The following ABTB2 variants were observed in gnomAD, a reference collection of about 807,000 sequenced individuals.
The protein encoded by ABTB2 is ankyrin repeat and BTB/POZ domain-containing protein 2.
A neutral mutation model predicts 104.1 loss-of-function variants in ABTB2; 56 were observed. That is an observed-to-expected ratio of 0.54 (90% CI 0.43 to 0.67). ABTB2 has a LOEUF of 0.67. Among genes scored for constraint, ABTB2 ranks in the 30% least tolerant of loss-of-function variants. The pLI is 0.00. For missense variants in ABTB2, 1,279 were observed against 1,407.7 expected, an observed-to-expected ratio of 0.91 and a Z score of 1.46; for synonymous variants, 606 against 608.2, an observed-to-expected ratio of 1.00 and a Z score of 0.05.
chr11:34,300,747 C>A (rs150832067), intron 1 of ABTB2, among the ~76,000 whole-genome samples: 3 of 152,210 alleles, frequency 2.0e-5, no homozygotes, highest in Non-Finnish European at 2.9e-5. Flanking sequence ...AGTCTTGGTA[C>A]GCAATAAAGA....
rs369630867 is a variant in ABTB2 at position 34,164,678 on chromosome 11, G to A, written c.1988+8C>T. The A allele has an allele frequency of 6.7e-7, 1 of 1,499,588 alleles. No homozygotes were observed. The highest frequency in any genetic ancestry group is 1.5e-5 in the African/African-American group (1 of 68,306). The allele number at this position is 1,499,588 out of a possible 1,614,324, so 92.9% of individuals were successfully genotyped here. A position where few individuals can be genotyped will look rare whatever the true frequency, so the allele number is the denominator to read the frequency against. On this transcript the variant is annotated splice_region_variant and intron_variant, in intron 9 of 16. Coordinates refer to ENST00000435224, the MANE Select transcript of ABTB2 (RefSeq NM_145804.3). Reference sequence around the variant, plus strand: ...ATGTCACACAGGGTGGGAATCCCGGGCAGGTACCTGTGGCCGTGGGCAGCT... The same window carrying A: ...ATGTCACACAGGGTGGGAATCCCGGACAGGTACCTGTGGCCGTGGGCAGCT...
chr11:34,176,459 G>A (rs1477870914), intron 3 of ABTB2, among the ~76,000 whole-genome samples: 1 of 152,184 alleles, frequency 6.6e-6, no homozygotes, highest in Non-Finnish European at 1.5e-5. Context: ...CCAGCCTGGG[G>A]CCTGACATGG....
At chr11:34,186,950 G>T (rs2133028979) in intron 3 of ABTB2, among the ~76,000 whole-genome samples, 1 of 152,330 alleles carries the variant, frequency 6.6e-6, no homozygotes, top group South Asian at 2.1e-4. Flanking sequence ...CCTGGGAGGG[G>T]AAGGGATTTA....
chr11:34,290,644 C>A (rs1056735750), intron 1 of ABTB2, among the ~76,000 whole-genome samples: 1 of 151,900 alleles, frequency 6.6e-6, no homozygotes, highest in Non-Finnish European at 1.5e-5. Flanking sequence ...GAGTTCAAGA[C>A]CAGCCTGGGC....
chr11:34,233,833 A>C (rs1271698897), intron 1 of ABTB2, among the ~76,000 whole-genome samples: 1 of 152,158 alleles, frequency 6.6e-6, no homozygotes, highest in East Asian at 1.9e-4. Flanking sequence ...CTAACCTATC[A>C]ATTTTTTAAA....
intron 1 of ABTB2, among the ~76,000 whole-genome samples, chr11:34,215,144 C>A (rs901431370): frequency 6.6e-6 from 1 of 152,212 alleles, no homozygotes; most frequent in Non-Finnish European, 1.5e-5. Context: ...TCTACAGCTA[C>A]AGTGGCCGAA....
intron 1 of ABTB2, among the ~76,000 whole-genome samples, chr11:34,213,009 C>T (rs1227977208): frequency 5.3e-5 from 8 of 152,198 alleles, no homozygotes; most frequent in African/African-American, 1.2e-4. Flanking sequence ...GTAAACCTCA[C>T]TCCGAACACC....
At chr11:34,159,756 G>C in intron 13 of ABTB2, 150 bp downstream of exon 13, 1 of 670,920 alleles carries the variant, frequency 1.5e-6, no homozygotes, top group African/African-American at 1.8e-5. Context: ...CCCGCTGTGG[G>C]GCGAGTGGGG....
intron 1 of ABTB2, among the ~76,000 whole-genome samples, chr11:34,287,987 C>T (rs1309414363): frequency 2.0e-5 from 3 of 152,084 alleles, no homozygotes; most frequent in Admixed American, 6.5e-5. Flanking sequence ...GAATAAGCCA[C>T]GAGGAAGAGA....
In ABTB2 at chr11:34,162,602, T is replaced by A; in HGVS notation, c.2192A>T (p.Asp731Val). Residue 731 changes from aspartate (D) to valine (V), a missense_variant, in exon 10 of 17, where the codon GAC becomes GTC. Transcript: ENST00000435224. ...MYYSAEHGYV[D>V]ITMELRALGV... is the part of the protein sequence containing the mutation. Reference sequence around the variant, plus strand: ...CAGTGCCCTCAGCTCCATGGTGATGTCCACGTAGCCGTGCTCAGCGCTGTA... The same window carrying A: ...CAGTGCCCTCAGCTCCATGGTGATGACCACGTAGCCGTGCTCAGCGCTGTA... 1 of 1,613,626 alleles carries A rather than the reference T, an allele frequency of 6.2e-7. No homozygotes were observed. Among genetic ancestry groups the A allele is most frequent in the Non-Finnish European group, 8.5e-7 (1 of 1,179,984 alleles).
chr11:34,344,709 T>C (rs2133125458), intron 1 of ABTB2, among the ~76,000 whole-genome samples: 2 of 152,288 alleles, frequency 1.3e-5, no homozygotes, highest in African/African-American at 4.8e-5. Context: ...TGTTGCCCGG[T>C]CTGATCTCGA....
chr11:34,356,025 C>T lies in ABTB2; in HGVS notation c.883+676G>A, dbSNP rs1855460705. 6.6e-6 allele frequency among the ~76,000 whole-genome samples: 1 copy of T among 152,180 alleles called. No homozygotes were observed. Among genetic ancestry groups the T allele is most frequent in the South Asian group, 2.1e-4 (1 of 4,832 alleles). ...TTGGTTGGTGACAGCTTGGAAAAAT[C>T]AGGTCTCAGGAGACAATCTGTGGTT... On this transcript the variant is annotated intron_variant, in intron 1 of 16. Coordinates refer to ENST00000435224, the MANE Select transcript of ABTB2 (RefSeq NM_145804.3). The surrounding 1 kb of genome is among the most constrained non-coding windows in gnomAD (Gnocchi z 4.6).
intron 2 of ABTB2, among the ~76,000 whole-genome samples, chr11:34,199,267 C>T (rs1479887674): frequency 6.6e-6 from 1 of 152,146 alleles, no homozygotes; most frequent in Admixed American, 6.5e-5. Flanking sequence ...AGTTTGAGAT[C>T]CCCACCAGGA....
At chr11:34,300,427 C>G (rs765762142) in intron 1 of ABTB2, among the ~76,000 whole-genome samples, 70 of 152,302 alleles carry the variant, frequency 4.6e-4, no homozygotes, top group Non-Finnish European at 6.2e-4. Flanking sequence ...TCTATAGAGC[C>G]AGGCTGCAAG....
At chr11:34,258,348 G>A (rs959205274) in intron 1 of ABTB2, among the ~76,000 whole-genome samples, 1 of 152,054 alleles carries the variant, frequency 6.6e-6, no homozygotes, top group African/African-American at 2.4e-5. Flanking sequence ...CAGTGAGAGA[G>A]AGGTAAGAGG....
intron 1 of ABTB2, among the ~76,000 whole-genome samples, chr11:34,334,780 TTTC>T (rs1855173908): frequency 6.6e-6 from 1 of 151,978 alleles, no homozygotes; most frequent in African/African-American, 2.4e-5. Flanking sequence ...TTTTTTTTTT[TTTC>T]GTAACCAAAT....
chr11:34,183,496 C>T (rs1414847398), intron 3 of ABTB2, among the ~76,000 whole-genome samples: 3 of 152,352 alleles, frequency 2.0e-5, no homozygotes, highest in Admixed American at 6.5e-5. Context: ...CATATGGTCA[C>T]CGTACTGCCC....
At position 34,314,513 on chromosome 11, in the gene ABTB2, C is replaced by T. The variant is rs184545071; in HGVS notation, c.883+42188G>A. On this transcript the variant is annotated intron_variant, in intron 1 of 16. Coordinates refer to ENST00000435224, the MANE Select transcript of ABTB2 (RefSeq NM_145804.3). ...TGTGTTTTAAGGACCTACCATGTGA[C>T]ACACCTGTGCTAGGTGCCACAGGGG... Among the ~76,000 whole-genome samples, 4 of 152,316 alleles carry T rather than the reference C, an allele frequency of 2.6e-5. 1 individual carries two copies. The East Asian group carries it at 7.7e-4, about 29-fold the overall frequency.
intron 1 of ABTB2, among the ~76,000 whole-genome samples, chr11:34,319,899 C>G (rs1240262949): frequency 6.6e-6 from 1 of 152,126 alleles, no homozygotes; most frequent in African/African-American, 2.4e-5. Flanking sequence ...AACTCCTGAC[C>G]TTAGGTGATC....
Sources: allele counts gnomAD v4.1 joint callset (sites outside exome capture counted in the v4.1 genomes callset), GRCh38; gene constraint gnomAD v4.1.1; non-coding constraint Gnocchi (gnomAD v3.1); transcripts MANE v1.5; gene names NCBI Gene and HGNC (gene_info 2026-07-23, HGNC 2026-07-21).